The following ZNF804B variants were observed in gnomAD, a reference collection of about 807,000 sequenced individuals.
ZNF804B encodes the protein zinc finger 804B.
Under a neutral mutation model 101.4 loss-of-function variants are expected in ZNF804B, and 80 were observed. The observed-to-expected ratio is 0.79, with a 90% CI of 0.66 to 0.95. ZNF804B has a LOEUF of 0.95. Ranked by LOEUF, ZNF804B falls within the 40% of genes least tolerant of loss-of-function variation. The probability of loss-of-function intolerance (pLI) is 0.00; values close to 1 mark genes in which losing one functional copy is unlikely to be tolerated. For synonymous variants in ZNF804B, 622 were observed against 558.8 expected (o/e 1.11, Z -1.59); for missense variants, 1,673 against 1,561.9 (o/e 1.07, Z -1.20).
At chr7:88,823,327 T>A (rs377763938) in intron 1 of ZNF804B, among the ~76,000 whole-genome samples, 1 of 152,188 alleles carries the variant, frequency 6.6e-6, no homozygotes, top group East Asian at 1.9e-4. Context: ...TACTCAGTGA[T>A]CTCCATGATG....
intron 1 of ZNF804B, among the ~76,000 whole-genome samples, chr7:89,195,731 A>G (rs1172119538): frequency 3.3e-5 from 5 of 151,976 alleles, no homozygotes; most frequent in African/African-American, 9.7e-5. Context: ...AATGTGCAAA[A>G]ATTTCTAGCA....
At chr7:89,145,751 C>T (rs1051965138) in intron 1 of ZNF804B, among the ~76,000 whole-genome samples, 2 of 151,970 alleles carry the variant, frequency 1.3e-5, no homozygotes, top group African/African-American at 2.4e-5. Flanking sequence ...CTTTTCCCTC[C>T]CTAAATAGTT....
chr7:89,187,333 C>G (rs1436630784), intron 1 of ZNF804B, among the ~76,000 whole-genome samples: 1 of 152,040 alleles, frequency 6.6e-6, no homozygotes, highest in Non-Finnish European at 1.5e-5. Context: ...TTCTTTCTCA[C>G]CAGTCGATTG....
intron 1 of ZNF804B, among the ~76,000 whole-genome samples, chr7:88,887,088 A>G (rs976676135): frequency 8.5e-5 from 13 of 152,260 alleles, no homozygotes; most frequent in African/African-American, 3.1e-4. Flanking sequence ...CTACTATAAA[A>G]AGTCAAAAAA....
At chr7:88,926,583 GGGTGACA>G (rs1792803809) in intron 1 of ZNF804B, among the ~76,000 whole-genome samples, 1 of 152,016 alleles carries the variant, frequency 6.6e-6, no homozygotes, top group African/African-American at 2.4e-5. Flanking sequence ...ACTCCAGCCT[GGGTGACA>G]GAGTGAGACT....
At chr7:89,315,647 C>A (rs1790713448) in intron 2 of ZNF804B, among the ~76,000 whole-genome samples, 1 of 151,994 alleles carries the variant, frequency 6.6e-6, no homozygotes, top group South Asian at 2.1e-4. Context: ...GTTTTGTCAT[C>A]TTGATGGTGA....
At chr7:88,804,973 C>G (rs1361609076) in intron 1 of ZNF804B, among the ~76,000 whole-genome samples, 2 of 152,068 alleles carry the variant, frequency 1.3e-5, no homozygotes, top group African/African-American at 2.4e-5. Context: ...AATACTAAAA[C>G]AGGGAGATAA....
At chr7:89,199,893 T>C (rs939139701) in intron 1 of ZNF804B, among the ~76,000 whole-genome samples, 2 of 148,388 alleles carry the variant, frequency 1.3e-5, no homozygotes, top group Non-Finnish European at 3.0e-5. Context: ...ATATAATATA[T>C]GTATAATATA....
intron 1 of ZNF804B, among the ~76,000 whole-genome samples, chr7:89,078,382 A>C (rs1392514816): frequency 1.3e-5 from 2 of 152,094 alleles, no homozygotes; most frequent in Non-Finnish European, 2.9e-5. Context: ...ATTGTTGGTC[A>C]TGCTTCTAAT....
At position 88,873,285 on chromosome 7, in the gene ZNF804B, T is replaced by C. The variant is rs1190031802; in HGVS notation, c.108+113201T>C. Among the ~76,000 whole-genome samples the C allele has an allele frequency of 2.0e-5, 3 of 152,378 alleles. 1 individual carries two copies. The highest frequency in any genetic ancestry group is 4.4e-5 in the Non-Finnish European group (3 of 68,042). On this transcript the variant is annotated intron_variant, in intron 1 of 3. Transcript: ENST00000333190. ...AATGTCTTATTTTGAGAAGTGTCTG[T>C]TCATGTCCTTTGCACACTTTTTGAT...
intron 1 of ZNF804B, among the ~76,000 whole-genome samples, chr7:89,061,725 C>T (rs1328763504): frequency 2.0e-5 from 3 of 152,180 alleles, no homozygotes; most frequent in Non-Finnish European, 4.4e-5. Flanking sequence ...ATATAAAATG[C>T]TCACATCAGT....
chr7:89,057,086 T>G (rs1404543206), intron 1 of ZNF804B, among the ~76,000 whole-genome samples: 1 of 151,164 alleles, frequency 6.6e-6, no homozygotes, highest in African/African-American at 2.4e-5. Flanking sequence ...GAATTTGGAG[T>G]CCAAAAAACA....
At chr7:89,070,955 C>G (rs1209473330) in intron 1 of ZNF804B, among the ~76,000 whole-genome samples, 1 of 152,004 alleles carries the variant, frequency 6.6e-6, no homozygotes, top group Non-Finnish European at 1.5e-5. Flanking sequence ...GGGATTGATT[C>G]CAGGACCCCT....
At chr7:89,242,455 C>A (rs763763287) in intron 2 of ZNF804B, among the ~76,000 whole-genome samples, 4 of 151,588 alleles carry the variant, frequency 2.6e-5, no homozygotes, top group Non-Finnish European at 5.9e-5. Context: ...ATTCCACTGC[C>A]TCAAATAGAC....
intron 1 of ZNF804B, among the ~76,000 whole-genome samples, chr7:89,074,171 A>G (rs556037869): frequency 2.0e-5 from 3 of 152,202 alleles, no homozygotes; most frequent in Admixed American, 6.6e-5. Context: ...AATACATTCT[A>G]ATTGTTTTAT....
chr7:89,331,426 A>G (rs1321589551), intron 3 of ZNF804B, among the ~76,000 whole-genome samples: 1 of 151,764 alleles, frequency 6.6e-6, no homozygotes, highest in Non-Finnish European at 1.5e-5. Context: ...ATTTTATTAA[A>G]TATGCCTAAT....
chr7:89,060,148 T>G (rs1479060167), intron 1 of ZNF804B, among the ~76,000 whole-genome samples: 1 of 152,080 alleles, frequency 6.6e-6, no homozygotes, highest in Admixed American at 6.6e-5. Context: ...GTCTCCAGCT[T>G]GCAGATAGCC....
chr7:89,116,802 C>T (rs1344655072), intron 1 of ZNF804B, among the ~76,000 whole-genome samples: 3 of 152,006 alleles, frequency 2.0e-5, no homozygotes, highest in African/African-American at 7.3e-5. Context: ...ACCTAGATTC[C>T]ACTAGAGTGC....
intron 1 of ZNF804B, among the ~76,000 whole-genome samples, chr7:88,835,568 A>G (rs530298262): frequency 3.2e-4 from 49 of 152,104 alleles, no homozygotes; most frequent in Admixed American, 9.2e-4. Context: ...AATGAAAATA[A>G]TTTGAATCTG....
Sources: allele counts gnomAD v4.1 joint callset (sites outside exome capture counted in the v4.1 genomes callset), GRCh38; gene constraint gnomAD v4.1.1; transcripts MANE v1.5; gene names NCBI Gene and HGNC (gene_info 2026-07-23, HGNC 2026-07-21).